OCA2: variants seen among roughly 807,000 people sequenced by gnomAD.
OCA2 encodes OCA2 melanosomal transmembrane protein.
Under a neutral mutation model 100.2 loss-of-function variants are expected in OCA2, and 77 were observed. The ratio of observed to expected loss-of-function variants is 0.77; its 90% CI spans 0.64 to 0.93. The LOEUF (loss-of-function observed/expected upper bound fraction) is 0.93. Among genes scored for constraint, OCA2 ranks in the 40% least tolerant of loss-of-function variants. The probability of loss-of-function intolerance (pLI) is 0.00; values close to 1 mark genes in which losing one functional copy is unlikely to be tolerated. For missense variants in OCA2, 1,062 were observed against 1,089.1 expected (o/e 0.98, Z 0.35); for synonymous variants, 432 against 439.2 (o/e 0.98, Z 0.21).
At position 27,863,930 on chromosome 15, in the gene OCA2, G is replaced by A. The variant is rs565172347; in HGVS notation, c.2244+7224C>T. ...TGTATTGTGTCGGTGGGACACAGTG[G>A]ATAATCTTCTCTCACACTACTGGTC... On this transcript the variant is annotated intron_variant, in intron 21 of 23. Transcript: ENST00000354638. Among the ~76,000 whole-genome samples the A allele has an allele frequency of 5.9e-5, 9 of 152,218 alleles. No individual in the cohort carries two copies. In the South Asian group the frequency reaches 1.2e-3, roughly 21 times the overall value.
Position 27,926,044 on chromosome 15 carries a change from G to GT in OCA2, c.2079+82dup. On this transcript the variant is annotated intron_variant, in intron 19 of 23. Transcript: ENST00000354638. ...AGAATATAAGGAAAGATTAATAGAT[G>GT]TAGGCTTTCTTCATTCACCAAATAA... 3 of 1,469,484 alleles carry GT rather than the reference G, an allele frequency of 2.0e-6. No homozygotes were observed. In the Admixed American group the frequency reaches 5.1e-5, roughly 25 times the overall value. The allele number at this position is 1,469,484 out of a possible 1,614,324, so 91.0% of individuals were successfully genotyped here. A position where few individuals can be genotyped will look rare whatever the true frequency, so the allele number is the denominator to read the frequency against.
At chr15:27,828,127 G>T (rs1014074071) in intron 23 of OCA2, among the ~76,000 whole-genome samples, 5 of 152,110 alleles carry the variant, frequency 3.3e-5, no homozygotes, top group Admixed American at 2.0e-4. Flanking sequence ...CTGCATTGGC[G>T]CCAGGGCCCT....
intron 9 of OCA2, among the ~76,000 whole-genome samples, chr15:27,997,119 G>GAAAA (rs1162172145): frequency 1.3e-5 from 1 of 75,214 alleles, no homozygotes; most frequent in East Asian, 2.6e-4. Flanking sequence ...AAGAAAGGAA[G>GAAAA]GAAGGAAGGA....
chr15:27,782,020 A>G (rs1391165847), intron 23 of OCA2, among the ~76,000 whole-genome samples: 1 of 152,204 alleles, frequency 6.6e-6, no homozygotes, highest in Admixed American at 6.5e-5. Flanking sequence ...CATTTGTTCT[A>G]TTGCAACTTA....
chr15:28,030,950 G>C (rs986352219), intron 3 of OCA2, among the ~76,000 whole-genome samples: 1 of 151,978 alleles, frequency 6.6e-6, no homozygotes, highest in Non-Finnish European at 1.5e-5. Flanking sequence ...AAAGACTACC[G>C]GGCACGAGAG....
At chr15:27,881,277 G>C (rs2151545022) in intron 19 of OCA2, among the ~76,000 whole-genome samples, 1 of 152,198 alleles carries the variant, frequency 6.6e-6, no homozygotes, top group East Asian at 1.9e-4. Context: ...TTTTATTGAG[G>C]ATTTTTGCAT....
Position 27,926,214 on chromosome 15 carries a change from T to G in OCA2, c.1992A>C (p.Leu664Phe), listed in dbSNP as rs1441627192. ...TTATCTCAAAATCATGAATATCAGC[T>G]AAAATTAGCAACCAGATGGCACCCA... Reference protein sequence around the residue: ...AILGAIWLLILADIHDFEIIL... With the variant: ...AILGAIWLLIFADIHDFEIIL... Residue 664 changes from leucine to phenylalanine, a missense_variant, in exon 19 of 24, where the codon TTA becomes TTC. Coordinates refer to ENST00000354638, the MANE Select transcript of OCA2 (RefSeq NM_000275.3). 6.2e-7 allele frequency: 1 copy of G among 1,614,134 alleles called. No individual in the cohort carries two copies. The highest frequency in any genetic ancestry group is 2.2e-5 in the East Asian group (1 of 44,864).
At chr15:28,074,572 G>A (rs772546853) in intron 2 of OCA2, among the ~76,000 whole-genome samples, 23 of 152,002 alleles carry the variant, frequency 1.5e-4, no homozygotes, top group Non-Finnish European at 2.9e-4. Context: ...TAATCGGGAG[G>A]CTGAGGCAGG....
chr15:27,771,331 G>T (rs935272418), intron 23 of OCA2, among the ~76,000 whole-genome samples: 17 of 151,934 alleles, frequency 1.1e-4, no homozygotes, highest in Admixed American at 2.6e-4. Context: ...AGAAAGGGCG[G>T]CGCTATAGAG....
At chr15:28,042,803 G>A (rs562380651) in intron 2 of OCA2, among the ~76,000 whole-genome samples, 66 of 152,160 alleles carry the variant, frequency 4.3e-4, no homozygotes, top group African/African-American at 1.6e-3. Context: ...AGCAGAAAAA[G>A]GGATTAAAAG....
At chr15:27,862,222 C>A (rs1334247379) in intron 21 of OCA2, among the ~76,000 whole-genome samples, 1 of 145,750 alleles carries the variant, frequency 6.9e-6, no homozygotes, top group Non-Finnish European at 1.5e-5. Flanking sequence ...TCCTCACGGA[C>A]AGAAAGCATG....
intron 9 of OCA2, among the ~76,000 whole-genome samples, chr15:28,000,156 C>G (rs1199341440): frequency 6.6e-6 from 1 of 152,090 alleles, no homozygotes; most frequent in African/African-American, 2.4e-5. Flanking sequence ...ATAGCCAAGT[C>G]AACATTGAGT....
At position 27,951,783 on chromosome 15, in the gene OCA2, C is replaced by T. The variant is rs752727398; in HGVS notation, c.1951+1G>A. 12 of 1,596,878 alleles carry T rather than the reference C, an allele frequency of 7.5e-6. No individual in the cohort carries two copies. Among genetic ancestry groups the T allele is most frequent in the Non-Finnish European group, 9.4e-6 (11 of 1,164,500 alleles). On this transcript the variant is annotated splice_donor_variant, in intron 18 of 23. Coordinates refer to ENST00000354638, the MANE Select transcript of OCA2 (RefSeq NM_000275.3). LOFTEE classifies it high-confidence loss of function. ...ATGAACCAAAGCTAAATTAGACTCA[C>T]CAAGATCAAGATGAATGCCAGGGAC...
intron 19 of OCA2, among the ~76,000 whole-genome samples, chr15:27,888,310 C>T (rs2037313947): frequency 1.3e-5 from 2 of 152,200 alleles, no homozygotes; most frequent in Admixed American, 1.3e-4. Context: ...TAAACTTAAA[C>T]AGGTTGACTG....
At chr15:27,841,439 G>A (rs901549780) in intron 23 of OCA2, among the ~76,000 whole-genome samples, 1 of 152,132 alleles carries the variant, frequency 6.6e-6, no homozygotes, top group Non-Finnish European at 1.5e-5. Flanking sequence ...TTACTACCAG[G>A]GGTTTCTGCA....
intron 19 of OCA2, among the ~76,000 whole-genome samples, chr15:27,915,426 C>A (rs12439412): frequency 0.19 from 29,005 of 151,898 alleles, 4,027 homozygotes; most frequent in East Asian, 0.62. Context: ...AACGGACAAC[C>A]AATGGAATGG....
At chr15:27,742,072 G>A in the OCA2 span, among the ~76,000 whole-genome samples, 1 of 152,194 alleles carries the variant, frequency 6.6e-6, no homozygotes, top group South Asian at 2.1e-4. Flanking sequence ...AACTGTGGCA[G>A]CTATGCCTTT....
In OCA2 at chr15:27,831,605, A is replaced by G. The variant is rs539325312; in HGVS notation, c.2432+13354T>C. Among the ~76,000 whole-genome samples, 9 of 152,292 alleles carry G rather than the reference A, an allele frequency of 5.9e-5. No homozygotes were observed. In the South Asian group the frequency reaches 1.7e-3, roughly 28 times the overall value. ...ACAGTCAAGGCCTGTTCTGCCAGCC[A>G]AGAGTGGGCACCCAGCTCAGACCAG... On this transcript the variant is annotated intron_variant, in intron 23 of 23. Coordinates refer to ENST00000354638, the MANE Select transcript of OCA2 (RefSeq NM_000275.3).
chr15:27,804,138 A>C (rs1158931855), intron 23 of OCA2, among the ~76,000 whole-genome samples: 1 of 152,244 alleles, frequency 6.6e-6, no homozygotes, highest in Non-Finnish European at 1.5e-5. Context: ...AGAATATAGT[A>C]AAGTGAGAAA....
Sources: allele counts gnomAD v4.1 joint callset (sites outside exome capture counted in the v4.1 genomes callset), GRCh38; gene constraint gnomAD v4.1.1; transcripts MANE v1.5; gene names NCBI Gene and HGNC (gene_info 2026-07-23, HGNC 2026-07-21).